Variants in IQCH observed in about 807,000 individuals in gnomAD.
The protein encoded by IQCH is IQ motif containing H, also known as IQ domain-containing protein H.
IQCH carries 98 observed loss-of-function variants against 117.0 expected under a neutral mutation model. The observed-to-expected ratio is 0.84, with a 90% confidence interval of 0.71 to 0.99. The LOEUF is 0.99. Ranked by LOEUF, IQCH falls within the 50% of genes least tolerant of loss-of-function variation. The pLI is 0.00. For missense variants in IQCH, 1,102 were observed against 1,243.8 expected (o/e 0.89, Z 1.72); for synonymous variants, 412 against 448.2 (o/e 0.92, Z 1.02).
Position 67,425,758 on chromosome 15 carries a change from G to A in IQCH, c.2505+4181G>A, listed in dbSNP as rs985107199. ...TGGCAACTTTTTCCACTACCACTAC[G>A]ATAGTGGTAATTTTGTATTTCTGTG... On this transcript the variant is annotated intron_variant, in intron 16 of 20. Coordinates refer to ENST00000335894, the MANE Select transcript of IQCH (RefSeq NM_001031715.3). The surrounding 1 kb of genome is among the most constrained non-coding windows in gnomAD (Gnocchi z 5.5). Among the ~76,000 whole-genome samples the A allele has an allele frequency of 2.6e-5, 4 of 152,034 alleles. No homozygotes were observed. The highest frequency in any genetic ancestry group is 2.1e-4 in the South Asian group (1 of 4,810).
chr15:67,340,631 G>A (rs1969128531), intron 5 of IQCH, among the ~76,000 whole-genome samples: 1 of 152,048 alleles, frequency 6.6e-6, no homozygotes. Context: ...CTCAATCAGA[G>A]TTTCTGAATT....
chr15:67,491,424 A>G lies in IQCH; in HGVS notation c.2861+1360A>G, dbSNP rs1436696641. 6.6e-6 allele frequency among the ~76,000 whole-genome samples: 1 copy of G among 152,140 alleles called. No homozygotes were observed. Among genetic ancestry groups the G allele is most frequent in the Admixed American group, 6.5e-5 (1 of 15,288 alleles). ...ATGTTCTGGTTTCTTCTCCCTTGCA[A>G]CTAGAATGTGGCTACAATTTAATCT... is the stretch of plus-strand genomic sequence containing the variant. On this transcript the variant is annotated intron_variant, in intron 19 of 20. Coordinates refer to ENST00000335894, the MANE Select transcript of IQCH (RefSeq NM_001031715.3). The surrounding 1 kb of genome is among the most constrained non-coding windows in gnomAD (Gnocchi z 4.9).
rs2083346634 is a variant in IQCH at position 67,481,849 on chromosome 15, G to A, written c.2799+6031G>A. 6.6e-6 allele frequency among the ~76,000 whole-genome samples: 1 copy of A among 152,196 alleles called. No homozygotes were observed. The highest frequency in any genetic ancestry group is 1.5e-5 in the Non-Finnish European group (1 of 68,044). ...CAACATCAAGAGAAATCTCAGTCTGGATTAAAAGAGACTGTTGCTGCTTAA... is the reference window on the plus strand; with the variant it reads ...CAACATCAAGAGAAATCTCAGTCTGAATTAAAAGAGACTGTTGCTGCTTAA... On this transcript the variant is annotated intron_variant, in intron 18 of 20. Coordinates refer to ENST00000335894, the MANE Select transcript of IQCH (RefSeq NM_001031715.3). The surrounding 1 kb of genome is among the most constrained non-coding windows in gnomAD (Gnocchi z 4.1).
At chr15:67,258,597 G>T (rs1041680251) in intron 1 of IQCH, among the ~76,000 whole-genome samples, 1 of 151,820 alleles carries the variant, frequency 6.6e-6, no homozygotes, top group Non-Finnish European at 1.5e-5. Flanking sequence ...CCAAACTCTA[G>T]CAGAGATGAA....
chr15:67,430,251 A>T lies in IQCH; in HGVS notation c.2505+8674A>T, dbSNP rs2081991466. On this transcript the variant is annotated intron_variant, in intron 16 of 20. Transcript: ENST00000335894. This position sits in a 1 kb window ranked among gnomAD's most constrained non-coding sequence, Gnocchi z 5.1. ...CAGCAAAAGCTATTTCCAAATCCTG[A>T]TGGGTCCTGGAGCCAGGATCAATGA... 6.6e-6 allele frequency: 1 copy of T among 152,128 alleles called. No individual in the cohort carries two copies. The highest frequency in any genetic ancestry group is 2.1e-4 in the South Asian group (1 of 4,824). 9.4% of individuals were successfully genotyped at this position (152,128 alleles called of 1,614,324 possible). A position where few individuals can be genotyped will look rare whatever the true frequency, so the allele number is the denominator to read the frequency against.
In IQCH at chr15:67,473,225, T is replaced by A. The variant is rs982820268; in HGVS notation, c.2677-2471T>A. On this transcript the variant is annotated intron_variant, in intron 17 of 20. Coordinates refer to ENST00000335894, the MANE Select transcript of IQCH (RefSeq NM_001031715.3). This position sits in a 1 kb window ranked among gnomAD's most constrained non-coding sequence, Gnocchi z 4.9. The stretch of plus-strand genomic sequence containing the variant: ...AATTTGAGAGTGTTTACAGTTCACT[T>A]CCATGTGCAAAAGCCCATGCTTCTG... Among the ~76,000 whole-genome samples the A allele has an allele frequency of 6.6e-6, 1 of 152,188 alleles. No individual in the cohort carries two copies. Among genetic ancestry groups the A allele is most frequent in the Admixed American group, 6.5e-5 (1 of 15,290 alleles).
chr15:67,285,984 T>A (rs1332388702), intron 4 of IQCH, among the ~76,000 whole-genome samples: 2 of 152,210 alleles, frequency 1.3e-5, no homozygotes, highest in Admixed American at 1.3e-4. Flanking sequence ...ATGTCATTGG[T>A]ACTTTGATAG....
chr15:67,380,481 C>A (rs528637561), intron 10 of IQCH, among the ~76,000 whole-genome samples: 1 of 152,306 alleles, frequency 6.6e-6, no homozygotes, highest in South Asian at 2.1e-4. Context: ...TGGGAACCCA[C>A]CTTCTTGCTT....
At position 67,496,155 on chromosome 15, in the gene IQCH, A is replaced by T. The variant is rs546760237; in HGVS notation, c.2970+1789A>T. ...AACATGGTGAAACCCCATCTCTACA[A>T]AAATTACAAAAATTAGCCAGGTGTG... On this transcript the variant is annotated intron_variant, in intron 20 of 20. Coordinates refer to ENST00000335894, the MANE Select transcript of IQCH (RefSeq NM_001031715.3). The surrounding 1 kb of genome is among the most constrained non-coding windows in gnomAD (Gnocchi z 4.4). Among the ~76,000 whole-genome samples, 21 of 152,206 alleles carry T rather than the reference A, an allele frequency of 1.4e-4. No homozygotes were observed. The highest frequency in any genetic ancestry group is 5.1e-4 in the African/African-American group (21 of 41,536).
intron 3 of IQCH, among the ~76,000 whole-genome samples, chr15:67,265,293 TG>T (rs1965624620): frequency 6.6e-6 from 1 of 152,266 alleles, no homozygotes; most frequent in African/African-American, 2.4e-5. Context: ...GGAGTGCCTT[TG>T]CTCCTTACTA....
intron 17 of IQCH, among the ~76,000 whole-genome samples, chr15:67,469,559 T>C (rs1309578243): frequency 1.3e-5 from 2 of 152,216 alleles, no homozygotes; most frequent in Non-Finnish European, 2.9e-5. Flanking sequence ...ACCTTAACCA[T>C]CAGTTACTAC....
chr15:67,347,871 T>C (rs1373851261), intron 6 of IQCH, among the ~76,000 whole-genome samples: 1 of 147,266 alleles, frequency 6.8e-6, no homozygotes, highest in Non-Finnish European at 1.5e-5. Flanking sequence ...ATCTATATAT[T>C]TATATATAGA....
rs906678924 is a variant in IQCH at position 67,364,443 on chromosome 15, A to G, written c.753+4558A>G. On this transcript the variant is annotated intron_variant, in intron 8 of 20. Transcript: ENST00000335894. The surrounding 1 kb of genome is among the most constrained non-coding windows in gnomAD (Gnocchi z 4.1). ...ATTTTTTTGAAATTCTTGTGGAACAATTTTTCTTGTAATTACCGAGAAAAA... is the reference window on the plus strand; with the variant it reads ...ATTTTTTTGAAATTCTTGTGGAACAGTTTTTCTTGTAATTACCGAGAAAAA... Among the ~76,000 whole-genome samples, 1 of 151,972 alleles carries G rather than the reference A, an allele frequency of 6.6e-6. No individual in the cohort carries two copies. Among genetic ancestry groups the G allele is most frequent in the Admixed American group, 6.6e-5 (1 of 15,258 alleles).
At chr15:67,434,986 TG>T (rs1330166539) in intron 16 of IQCH, among the ~76,000 whole-genome samples, 1 of 41,244 alleles carries the variant, frequency 2.4e-5, no homozygotes, top group Admixed American at 2.8e-4. Context: ...TTTGTATCTT[TG>T]TTTTTTTTTT....
intron 18 of IQCH, among the ~76,000 whole-genome samples, chr15:67,480,062 G>A (rs2083304156): frequency 6.6e-6 from 1 of 152,216 alleles, no homozygotes; most frequent in African/African-American, 2.4e-5. Flanking sequence ...AAGGCGTCAT[G>A]TTTACTGCCT....
chr15:67,311,751 G>A (rs1396520001), intron 4 of IQCH, among the ~76,000 whole-genome samples: 1 of 151,986 alleles, frequency 6.6e-6, no homozygotes, highest in African/African-American at 2.4e-5. Flanking sequence ...ATTTAAGGTT[G>A]CATTTGAAAA....
intron 8 of IQCH, among the ~76,000 whole-genome samples, chr15:67,367,894 A>C (rs1447930917): frequency 6.6e-6 from 1 of 152,186 alleles, no homozygotes; most frequent in Non-Finnish European, 1.5e-5. Context: ...ATAGTAACAA[A>C]AATACTGTCT....
rs553363638 is a variant in IQCH at position 67,454,240 on chromosome 15, C to T, written c.2506-10887C>T. 1.1e-4 allele frequency among the ~76,000 whole-genome samples: 16 copies of T among 152,282 alleles called. No homozygotes were observed. The South Asian group carries it at 2.7e-3, about 26-fold the overall frequency. On this transcript the variant is annotated intron_variant, in intron 16 of 20. Coordinates refer to ENST00000335894, the MANE Select transcript of IQCH (RefSeq NM_001031715.3). The surrounding 1 kb of genome is among the most constrained non-coding windows in gnomAD (Gnocchi z 5.2). ...ATGGTGTGCTGCACCCACCATCCTG[C>T]GCCTACTGTCTGGCACTCCCCAGTG...
intron 18 of IQCH, among the ~76,000 whole-genome samples, chr15:67,482,385 AATAG>A (rs1257993333): frequency 6.6e-6 from 1 of 152,220 alleles, no homozygotes; most frequent in Non-Finnish European, 1.5e-5. Context: ...GTGAGGACTG[AATAG>A]ATAATTTTGT....
Sources: gnomAD v4.1 joint callset for allele counts (sites outside exome capture counted in the v4.1 genomes callset) on GRCh38, gnomAD v4.1.1 for gene constraint, Gnocchi (gnomAD v3.1) non-coding constraint, MANE v1.5 for transcripts, NCBI Gene and HGNC (gene_info 2026-07-23, HGNC 2026-07-21) for gene names.